LPXN: variants seen among roughly 807,000 people sequenced by gnomAD.
LPXN encodes leupaxin.
A neutral mutation model predicts 45.6 loss-of-function variants in LPXN; 28 were observed. That is an observed-to-expected ratio of 0.61 (90% CI 0.45 to 0.84). The LOEUF is 0.84. Among genes scored for constraint, LPXN ranks in the 40% least tolerant of loss-of-function variants. The probability of loss-of-function intolerance (pLI) is 0.00; values close to 1 mark genes in which losing one functional copy is unlikely to be tolerated. For synonymous variants in LPXN, 166 were observed against 169.9 expected (o/e 0.98, Z 0.18); for missense variants, 459 against 475.0 (o/e 0.97, Z 0.31).
chr11:58,527,802 G>A, intron 8 of LPXN, 79 bp from the exon 9 acceptor site: 1 of 1,408,924 alleles, frequency 7.1e-7, no homozygotes, highest in South Asian at 1.3e-5. Context: ...TTTCAGCCTT[G>A]AAATTCCTGA....
intron 2 of LPXN, among the ~76,000 whole-genome samples, chr11:58,569,535 C>T (rs1854620918): frequency 6.6e-6 from 1 of 151,850 alleles, no homozygotes; most frequent in African/African-American, 2.4e-5. Context: ...ACCATAGGCA[C>T]GCACCACCAC....
At chr11:58,539,078 G>A (rs985817869) in intron 7 of LPXN, among the ~76,000 whole-genome samples, 7 of 152,160 alleles carry the variant, frequency 4.6e-5, no homozygotes, top group African/African-American at 1.2e-4. Context: ...AGGCTGAGGC[G>A]GGAGGACTGG....
intron 3 of LPXN, among the ~76,000 whole-genome samples, chr11:58,560,549 T>C (rs543825868): frequency 2.0e-5 from 3 of 152,336 alleles, no homozygotes; most frequent in Non-Finnish European, 4.4e-5. Flanking sequence ...CCTACTCTTA[T>C]GCAAACATTT....
At chr11:58,562,525 A>G (rs1854408879) in intron 3 of LPXN, among the ~76,000 whole-genome samples, 1 of 152,224 alleles carries the variant, frequency 6.6e-6, no homozygotes, top group African/African-American at 2.4e-5. Context: ...AAGTACATCA[A>G]AGGCCAGTCA....
intron 3 of LPXN, 72 bp from the exon 4 acceptor site, chr11:58,555,012 C>T (rs1486058988): frequency 2.1e-6 from 2 of 952,506 alleles, no homozygotes; most frequent in Non-Finnish European, 3.4e-6. Flanking sequence ...ACATAAAGTA[C>T]TGGAAATGCA....
At chr11:58,535,280 T>C (rs904290648) in intron 7 of LPXN, among the ~76,000 whole-genome samples, 14 of 152,188 alleles carry the variant, frequency 9.2e-5, no homozygotes, top group African/African-American at 2.9e-4. Context: ...CGATAAAATA[T>C]TGGCAAACTG....
Position 58,570,643 on chromosome 11 carries a change from A to G in LPXN, c.84T>C (p.Leu28=), listed in dbSNP as rs554111416. 1 of 1,613,880 alleles carries G rather than the reference A, an allele frequency of 6.2e-7. No homozygotes were observed. The highest frequency in any genetic ancestry group is 2.2e-5 in the East Asian group (1 of 44,872). ...CCTTTCTGGAATGCTGATCCAGGGGAAGAGGAGCTGGGTTGGAATATTCAT... is the reference window on the plus strand; with the variant it reads ...CCTTTCTGGAATGCTGATCCAGGGGGAGAGGAGCTGGGTTGGAATATTCAT... ...DSDEYSNPAP[L]PLDQHSRKET... is the part of the protein sequence containing the mutation. Residue 28 remains leucine, a synonymous_variant, in exon 2 of 9, where the codon CTT becomes CTC. Transcript: ENST00000395074.
intron 7 of LPXN, among the ~76,000 whole-genome samples, chr11:58,530,049 G>A (rs1366367648): frequency 6.6e-6 from 1 of 152,240 alleles, no homozygotes; most frequent in African/African-American, 2.4e-5. Context: ...CGCAGACCTG[G>A]AGATTCCCTC....
At chr11:58,547,612 G>T (rs183548219) in intron 7 of LPXN, among the ~76,000 whole-genome samples, 2 of 152,250 alleles carry the variant, frequency 1.3e-5, no homozygotes, top group African/African-American at 4.8e-5. Flanking sequence ...ATAACAAAGC[G>T]AGGTCAGGAG....
intron 3 of LPXN, among the ~76,000 whole-genome samples, chr11:58,555,789 C>T (rs1231157997): frequency 2.0e-5 from 3 of 151,574 alleles, no homozygotes; most frequent in Non-Finnish European, 2.9e-5. Flanking sequence ...CACACACACA[C>T]ACGCCTTTGG....
chr11:58,576,527 TG>T (rs1854896649), upstream of LPXN, among the ~76,000 whole-genome samples: 4 of 152,348 alleles, frequency 2.6e-5, no homozygotes, highest in South Asian at 8.3e-4. Context: ...AAAGTAACAC[TG>T]AGGTTAACTC....
chr11:58,566,204 T>A (rs1854523659), intron 2 of LPXN, among the ~76,000 whole-genome samples: 1 of 152,210 alleles, frequency 6.6e-6, no homozygotes, highest in South Asian at 2.1e-4. Context: ...AAAACTTCAT[T>A]TTATGGTTAA....
intron 1 of LPXN, among the ~76,000 whole-genome samples, chr11:58,572,070 A>G (rs1270247177): frequency 1.3e-5 from 2 of 152,222 alleles, no homozygotes; most frequent in Non-Finnish European, 1.5e-5. Flanking sequence ...TTATGGCTCA[A>G]TAATGCATTA....
intron 1 of LPXN, 125 bp downstream of exon 1, chr11:58,575,635 G>C: frequency 9.0e-7 from 1 of 1,105,458 alleles, no homozygotes; most frequent in African/African-American, 1.5e-5. Flanking sequence ...CTGAGGACAG[G>C]AAAGAAGTGA....
intron 1 of LPXN, among the ~76,000 whole-genome samples, chr11:58,572,017 A>T (rs1340848766): frequency 6.6e-6 from 1 of 152,182 alleles, no homozygotes; most frequent in Admixed American, 6.5e-5. Context: ...CAGTTTCCTC[A>T]TCTACATAAC....
At chr11:58,568,770 T>A (rs1477530917) in intron 2 of LPXN, among the ~76,000 whole-genome samples, 2 of 151,988 alleles carry the variant, frequency 1.3e-5, no homozygotes, top group Non-Finnish European at 2.9e-5. Context: ...AAAAGTAAAG[T>A]TAATAGGATG....
chr11:58,578,836 G>A (rs1855008694), upstream of LPXN, among the ~76,000 whole-genome samples: 1 of 152,000 alleles, frequency 6.6e-6, no homozygotes, highest in Admixed American at 6.5e-5. Flanking sequence ...GCGCGTTGAA[G>A]TCTGGAGGGG....
intron 7 of LPXN, among the ~76,000 whole-genome samples, chr11:58,538,781 C>T (rs1590760538): frequency 1.3e-5 from 2 of 149,260 alleles, no homozygotes; most frequent in South Asian, 4.2e-4. Flanking sequence ...AATATATATA[C>T]ACAATAAAAA....
intron 1 of LPXN, 51 bp from the exon 2 acceptor site, chr11:58,570,764 C>T: frequency 1.4e-6 from 2 of 1,397,124 alleles, no homozygotes; most frequent in Non-Finnish European, 2.0e-6. Context: ...TAAATCCCTA[C>T]AGTCATTTTC....
Sources: allele counts gnomAD v4.1 joint callset (sites outside exome capture counted in the v4.1 genomes callset), GRCh38; gene constraint gnomAD v4.1.1; transcripts MANE v1.5; gene names NCBI Gene and HGNC (gene_info 2026-07-23, HGNC 2026-07-21).